The following PEX7 variants were observed in gnomAD, a reference collection of about 807,000 sequenced individuals.
The protein encoded by PEX7 is PTS2 receptor.
A neutral mutation model predicts 47.5 loss-of-function variants in PEX7; 34 were observed. That is an observed-to-expected ratio of 0.72 (90% CI 0.54 to 0.95). PEX7 has a LOEUF of 0.95. Among genes scored for constraint, PEX7 ranks in the 40% least tolerant of loss-of-function variants. PEX7 has a pLI of 0.00. For synonymous variants in PEX7, 141 were observed against 148.8 expected (o/e 0.95, Z 0.38); for missense variants, 394 against 400.3 (o/e 0.98, Z 0.13).
At chr6:136,873,620 T>A (rs1031137588) in intron 8 of PEX7, among the ~76,000 whole-genome samples, 1 of 152,184 alleles carries the variant, frequency 6.6e-6, no homozygotes, top group African/African-American at 2.4e-5. Flanking sequence ...ATGCCTCTAA[T>A]TGATTTTTCT....
chr6:136,823,219 T>G (rs1336346571), intron 1 of PEX7: 1 of 985,224 alleles, frequency 1.0e-6, no homozygotes, highest in Non-Finnish European at 1.2e-6. Flanking sequence ...TGGCCCACAA[T>G]TCCCAGTCTG....
intron 4 of PEX7, 53 bp from the exon 5 acceptor site, chr6:136,846,020 A>C (rs1774591987): frequency 9.6e-7 from 1 of 1,040,420 alleles, no homozygotes; most frequent in Middle Eastern, 2.0e-4. Flanking sequence ...TATATGTAAA[A>C]GCATAAATTT....
At chr6:136,832,277 C>T (rs1774308247) in intron 3 of PEX7, among the ~76,000 whole-genome samples, 1 of 152,210 alleles carries the variant, frequency 6.6e-6, no homozygotes. Context: ...TACCTTGGCT[C>T]CTTTTAGCCA....
At chr6:136,881,213 A>G (rs1287899417) in intron 8 of PEX7, among the ~76,000 whole-genome samples, 25 of 152,184 alleles carry the variant, frequency 1.6e-4, no homozygotes. Context: ...GGAGCAGCCC[A>G]CCAGGAACAG....
rs1018859925 is a variant in PEX7 at position 136,900,462 on chromosome 6, G to GC, written c.903+2228dup. On this transcript the variant is annotated intron_variant, in intron 9 of 9. Coordinates refer to ENST00000318471, the MANE Select transcript of PEX7 (RefSeq NM_000288.4). This position sits in a 1 kb window ranked among gnomAD's most constrained non-coding sequence, Gnocchi z 4.2. ...CCACAGACTTGGGACCAAGGACATT[G>GC]CCCCCCCAGTGACAGCAGATCTCAT... 42 of 456,650 alleles carry GC rather than the reference G, an allele frequency of 9.2e-5. No homozygotes were observed. The highest frequency in any genetic ancestry group is 3.2e-4 in the Admixed American group (14 of 44,152). 28.3% of individuals were successfully genotyped at this position (456,650 alleles called of 1,614,324 possible).
chr6:136,830,212 TA>T, intron 3 of PEX7: 1 of 600,896 alleles, frequency 1.7e-6, no homozygotes, highest in Non-Finnish European at 2.9e-6. Flanking sequence ...AAACTAAGTT[TA>T]TTAGTAGTCT....
intron 9 of PEX7, among the ~76,000 whole-genome samples, chr6:136,913,253 G>C (rs1775960882): frequency 1.3e-5 from 2 of 152,140 alleles, no homozygotes; most frequent in African/African-American, 4.8e-5. Flanking sequence ...CTCAATCAAT[G>C]GGAATCAGTT....
intron 3 of PEX7, 52 bp downstream of exon 3, chr6:136,826,521 T>A: frequency 6.2e-7 from 1 of 1,609,494 alleles, no homozygotes; most frequent in Non-Finnish European, 8.5e-7. Context: ...CGACTTTGGT[T>A]GAAATCCATT....
At position 136,900,823 on chromosome 6, in the gene PEX7, G is replaced by A; in HGVS notation, c.903+2582G>A. On this transcript the variant is annotated intron_variant, in intron 9 of 9. Transcript: ENST00000318471. The surrounding 1 kb of genome is among the most constrained non-coding windows in gnomAD (Gnocchi z 4.2). ...GCCAACAGCTTTCTTCTCAGCCTGGGCCAAGTCTCTGCCTCTTCTCTTGCT... is the reference window on the plus strand; with the variant it reads ...GCCAACAGCTTTCTTCTCAGCCTGGACCAAGTCTCTGCCTCTTCTCTTGCT... 1 of 328,940 alleles carries A rather than the reference G, an allele frequency of 3.0e-6. No individual in the cohort carries two copies. The highest frequency in any genetic ancestry group is 5.8e-6 in the Non-Finnish European group (1 of 172,488). 20.4% of individuals were successfully genotyped at this position (328,940 alleles called of 1,614,324 possible).
intron 5 of PEX7, among the ~76,000 whole-genome samples, chr6:136,853,546 C>T (rs1261672019): frequency 6.6e-6 from 1 of 152,160 alleles, no homozygotes; most frequent in East Asian, 1.9e-4. Flanking sequence ...TAATATCACA[C>T]ACTTTTTTCC....
intron 3 of PEX7, among the ~76,000 whole-genome samples, chr6:136,832,434 C>G (rs1381265685): frequency 6.6e-6 from 1 of 152,208 alleles, no homozygotes; most frequent in African/African-American, 2.4e-5. Context: ...CTCTGACATG[C>G]CTTGGATACA....
At chr6:136,882,231 G>C (rs1257029109) in intron 8 of PEX7, among the ~76,000 whole-genome samples, 1 of 133,314 alleles carries the variant, frequency 7.5e-6, no homozygotes, top group African/African-American at 2.9e-5. Flanking sequence ...AGGCTGCAGT[G>C]CAGTTGTGTG....
At chr6:136,848,220 G>C (rs1774665906) in intron 5 of PEX7, among the ~76,000 whole-genome samples, 1 of 152,178 alleles carries the variant, frequency 6.6e-6, no homozygotes, top group Non-Finnish European at 1.5e-5. Flanking sequence ...TGCTGAAGCT[G>C]CTTATCAGCT....
chr6:136,838,244 A>G (rs1284476786), intron 3 of PEX7, among the ~76,000 whole-genome samples: 2 of 152,210 alleles, frequency 1.3e-5, no homozygotes, highest in Admixed American at 6.5e-5. Flanking sequence ...ATATAATTGG[A>G]AGCTAAAAAA....
At chr6:136,875,336 T>A (rs946062458) in intron 8 of PEX7, among the ~76,000 whole-genome samples, 3 of 152,238 alleles carry the variant, frequency 2.0e-5, no homozygotes, top group East Asian at 3.9e-4. Flanking sequence ...AGCCCATAGA[T>A]TCTGATATAT....
chr6:136,905,355 C>G (rs1775828930), intron 9 of PEX7, among the ~76,000 whole-genome samples: 1 of 152,172 alleles, frequency 6.6e-6, no homozygotes, highest in South Asian at 2.1e-4. Context: ...ACTGTCCTGT[C>G]ACACTATCAG....
At chr6:136,903,958 C>T (rs2115284548) in intron 9 of PEX7, among the ~76,000 whole-genome samples, 1 of 152,176 alleles carries the variant, frequency 6.6e-6, no homozygotes. Flanking sequence ...AGGTGTGAGC[C>T]ACTGTGCCTG....
chr6:136,907,583 A>T (rs569210923), intron 9 of PEX7, among the ~76,000 whole-genome samples: 3 of 152,270 alleles, frequency 2.0e-5, no homozygotes, highest in African/African-American at 7.2e-5. Flanking sequence ...AGTAGATTGA[A>T]CAAGTTTCCC....
chr6:136,828,430 A>G (rs1774236001), intron 3 of PEX7, among the ~76,000 whole-genome samples: 1 of 152,224 alleles, frequency 6.6e-6, no homozygotes, highest in Non-Finnish European at 1.5e-5. Flanking sequence ...TGTTCTGATT[A>G]TTAAGAAACT....
Sources: gnomAD v4.1 joint callset for allele counts (sites outside exome capture counted in the v4.1 genomes callset) on GRCh38, gnomAD v4.1.1 for gene constraint, Gnocchi (gnomAD v3.1) non-coding constraint, MANE v1.5 for transcripts, NCBI Gene and HGNC (gene_info 2026-07-23, HGNC 2026-07-21) for gene names.